Variants in ITPKB observed in about 807,000 individuals in gnomAD.
ITPKB encodes inositol-trisphosphate 3-kinase B.
Under a neutral mutation model 69.4 loss-of-function variants are expected in ITPKB, and 13 were observed. The observed-to-expected ratio is 0.19, with a 90% CI of 0.12 to 0.30. ITPKB has a LOEUF of 0.30. ITPKB is among the 10% of genes least tolerant of loss of function. ITPKB has a pLI of 1.00. For synonymous variants in ITPKB, 584 were observed against 513.7 expected (o/e 1.14, Z -1.85); for missense variants, 1,240 against 1,250.5 (o/e 0.99, Z 0.13).
At chr1:226,650,807 G>T (rs16846346) in intron 2 of ITPKB, among the ~76,000 whole-genome samples, 19,895 of 152,192 alleles carry the variant, frequency 0.13, 1,518 homozygotes, top group East Asian at 0.25. Flanking sequence ...ACATTGCACT[G>T]TTTCACAGTC....
In ITPKB at chr1:226,653,616, G is replaced by A. The variant is rs376107250; in HGVS notation, c.1933-4845C>T. ...GAGCAGCCAGACACTTCTAGACTCC[G>A]GATGGAGTTCTGCACTTGTGATGTT... On this transcript the variant is annotated intron_variant, in intron 2 of 7. Transcript: ENST00000429204. Among the ~76,000 whole-genome samples the A allele has an allele frequency of 5.3e-5, 8 of 152,342 alleles. No homozygotes were observed. In the East Asian group the frequency reaches 7.7e-4, roughly 15 times the overall value.
intron 2 of ITPKB, among the ~76,000 whole-genome samples, chr1:226,655,922 A>G (rs1422183739): frequency 2.6e-5 from 4 of 152,134 alleles, no homozygotes; most frequent in Non-Finnish European, 5.9e-5. Context: ...ACATGGCACC[A>G]TCTGCAGCGC....
chr1:226,653,694 G>C (rs1669236936), intron 2 of ITPKB, among the ~76,000 whole-genome samples: 1 of 152,236 alleles, frequency 6.6e-6, no homozygotes, highest in South Asian at 2.1e-4. Context: ...GGTGCCCCTG[G>C]GTAGGTAAAG....
At chr1:226,635,672 G>A (rs186601785) in intron 7 of ITPKB, among the ~76,000 whole-genome samples, 3 of 152,220 alleles carry the variant, frequency 2.0e-5, no homozygotes, top group African/African-American at 7.2e-5. Context: ...CGGGGCGGGG[G>A]TGGTGAAGAA....
At chr1:226,693,877 GC>G (rs1223429239) in intron 2 of ITPKB, among the ~76,000 whole-genome samples, 5 of 152,202 alleles carry the variant, frequency 3.3e-5, no homozygotes, top group African/African-American at 1.2e-4. Context: ...GATCCATGCG[GC>G]CCTACCCACA....
At chr1:226,650,380 G>A (rs1669163658) in intron 2 of ITPKB, among the ~76,000 whole-genome samples, 1 of 152,202 alleles carries the variant, frequency 6.6e-6, no homozygotes, top group Non-Finnish European at 1.5e-5. Context: ...CGCCCCATGA[G>A]GCCATGTGAC....
chr1:226,702,999 A>C (rs766099137), intron 2 of ITPKB, among the ~76,000 whole-genome samples: 4 of 152,174 alleles, frequency 2.6e-5, no homozygotes, highest in Non-Finnish European at 5.9e-5. Context: ...GTTTATTTTC[A>C]TAACAGTAAA....
intron 2 of ITPKB, among the ~76,000 whole-genome samples, chr1:226,668,308 T>C (rs1175874020): frequency 1.3e-5 from 2 of 152,188 alleles, no homozygotes; most frequent in Non-Finnish European, 2.9e-5. Context: ...AGCCAGCCCC[T>C]GACACCCGTG....
At position 226,737,394 on chromosome 1, in the gene ITPKB, C is replaced by T; in HGVS notation, c.65G>A (p.Ser22Asn). 1 of 1,611,112 alleles carries T rather than the reference C, an allele frequency of 6.2e-7. No homozygotes were observed. Among genetic ancestry groups the T allele is most frequent in the Non-Finnish European group, 8.5e-7 (1 of 1,179,576 alleles). The change falls in exon 2 of 8, where the codon AGC becomes AAC. Residue 22 changes from serine to asparagine, a missense_variant. By Grantham distance (46) the Ser-to-Asn change is conservative (BLOSUM62 1). Transcript: ENST00000429204. ...VIMNSANEMKSGGGPGPSGSE... is the reference protein window; with the variant it reads ...VIMNSANEMKNGGGPGPSGSE... ...GCCACTGGGCCCCGGGCCGCCGCCG[C>T]TCTTCATCTCGTTGGCGCTATTCAT...
chr1:226,737,562 C>T lies in ITPKB; in HGVS notation c.-104G>A. The T allele has an allele frequency of 8.2e-7, 1 of 1,217,434 alleles. No homozygotes were observed. Among genetic ancestry groups the T allele is most frequent in the African/African-American group, 1.6e-5 (1 of 63,120 alleles). The allele number at this position is 1,217,434 out of a possible 1,614,324, so 75.4% of individuals were successfully genotyped here. On this transcript the variant is annotated 5_prime_UTR_variant, in exon 2 of 8. Transcript: ENST00000429204. ...CGGCTCAGCCCCGGAGGCCCGGCAG[C>T]CGCGGCTCCGCGCGCAGATGGGGCG...
At chr1:226,644,172 GTCACTCACT>G (rs1669018431) in intron 4 of ITPKB, among the ~76,000 whole-genome samples, 1 of 152,262 alleles carries the variant, frequency 6.6e-6, no homozygotes, top group African/African-American at 2.4e-5. Context: ...AAAGCGGGCA[GTCACTCACT>G]GCCCAGGAGA....
Position 226,649,664 on chromosome 1 carries a change from CTTATT to C in ITPKB, c.1933-898_1933-894del, listed in dbSNP as rs546073272. On this transcript the variant is annotated intron_variant, in intron 2 of 7. Transcript: ENST00000429204. Reference sequence around the variant, plus strand: ...AGGAGAACTAAGGTATATTGAGCATCTTATTTTATTTTCTCAATGAGCATGCAAGT... The same window carrying C: ...AGGAGAACTAAGGTATATTGAGCATCTTATTTTCTCAATGAGCATGCAAGT... Among the ~76,000 whole-genome samples, 654 of 150,016 alleles carry C rather than the reference CTTATT, an allele frequency of 4.4e-3. 3 individuals are homozygous for C. The highest frequency in any genetic ancestry group is 6.8e-3 in the Middle Eastern group (2 of 294).
chr1:226,737,205 CTACTA>C lies in ITPKB; in HGVS notation c.249_253del (p.Asn83LysfsTer12). On this transcript the variant is annotated frameshift_variant, in exon 2 of 8. Coordinates refer to ENST00000429204, the MANE Select transcript of ITPKB (RefSeq NM_002221.4). LOFTEE classifies it high-confidence loss of function. ...GCTGCTGCCGCTGCCACTGCCGCTG[CTACTA>C]TTCAGCCTGCGCCGGCCGCTCCGCC... 6.3e-7 allele frequency: 1 copy of C among 1,583,980 alleles called. No individual in the cohort carries two copies. Among genetic ancestry groups the C allele is most frequent in the Non-Finnish European group, 8.5e-7 (1 of 1,172,912 alleles).
chr1:226,639,777 G>A lies in ITPKB; in HGVS notation c.2452-119C>T, dbSNP rs924621087. ...CCCATCTGAACCTGGGGCAGGGCCA[G>A]TGGAGGCACCCAGGTGTCCACGTAT... On this transcript the variant is annotated intron_variant, in intron 5 of 7. Transcript: ENST00000429204. 1.3e-5 allele frequency: 9 copies of A among 714,768 alleles called. No homozygotes were observed. In the African/African-American group the frequency reaches 1.4e-4, roughly 11 times the overall value. The allele number at this position is 714,768 out of a possible 1,614,324, so 44.3% of individuals were successfully genotyped here. A position where few individuals can be genotyped will look rare whatever the true frequency, so the allele number is the denominator to read the frequency against.
intron 2 of ITPKB, among the ~76,000 whole-genome samples, chr1:226,671,644 G>A (rs1669620769): frequency 6.6e-6 from 1 of 152,212 alleles, no homozygotes; most frequent in South Asian, 2.1e-4. Context: ...GCCAGGTAGG[G>A]GAAAAGGGAG....
At position 226,736,102 on chromosome 1, in the gene ITPKB, G is replaced by A. The variant is rs1657747482; in HGVS notation, c.1357C>T (p.Leu453Phe). ...VEGGSPTLGL[L>F]GGSPSAQPGT... ...GGCTGTGCTGAGGGGCTGCCCCCAA[G>A]CAAGCCCAGCGTTGGGGACCCTCCC... The change falls in exon 2 of 8, where the codon CTT becomes TTT. Residue 453 changes from leucine (L) to phenylalanine (F), a missense_variant. Physicochemically the swap from Leu to Phe is conservative, Grantham distance 22 (BLOSUM62 0). Transcript: ENST00000429204. The A allele has an allele frequency of 6.2e-7, 1 of 1,605,970 alleles. No homozygotes were observed. Among genetic ancestry groups the A allele is most frequent in the Non-Finnish European group, 8.5e-7 (1 of 1,175,592 alleles).
intron 2 of ITPKB, among the ~76,000 whole-genome samples, chr1:226,688,650 A>C (rs2102779034): frequency 6.6e-6 from 1 of 152,354 alleles, no homozygotes; most frequent in Non-Finnish European, 1.5e-5. Context: ...CAGCTGTGCC[A>C]GAGCAGCCTG....
chr1:226,727,614 G>A (rs543893721), intron 2 of ITPKB, among the ~76,000 whole-genome samples: 2 of 152,242 alleles, frequency 1.3e-5, no homozygotes, highest in African/African-American at 2.4e-5. Flanking sequence ...CTCCTTTAAT[G>A]GATGGGGGCA....
At chr1:226,638,745 G>A (rs77435141) in intron 6 of ITPKB, among the ~76,000 whole-genome samples, 13,736 of 152,062 alleles carry the variant, frequency 0.09, 697 homozygotes, top group East Asian at 0.15. Flanking sequence ...AGGGAGCAGC[G>A]TGACCTCGGG....
Sources: gnomAD v4.1 joint callset for allele counts (sites outside exome capture counted in the v4.1 genomes callset) on GRCh38, gnomAD v4.1.1 for gene constraint, MANE v1.5 for transcripts, NCBI Gene and HGNC (gene_info 2026-07-23, HGNC 2026-07-21) for gene names.